The following EWSR1 variants were observed in gnomAD, a reference collection of about 807,000 sequenced individuals.
The protein encoded by EWSR1 is RNA-binding protein EWS.
A neutral mutation model predicts 92.1 loss-of-function variants in EWSR1; 14 were observed. The observed-to-expected ratio is 0.15, with a 90% confidence interval of 0.10 to 0.24. EWSR1 has a LOEUF of 0.24. EWSR1 is among the 10% of genes least tolerant of loss of function. The pLI, the probability that EWSR1 is intolerant of heterozygous loss-of-function variation, is 1.00. For missense variants in EWSR1, 637 were observed against 870.9 expected (o/e 0.73, Z 3.38); for synonymous variants, 303 against 292.9 (o/e 1.03, Z -0.35).
intron 13 of EWSR1, 87 bp downstream of exon 13, chr22:29,298,036 T>TATAAA: frequency 2.8e-6 from 4 of 1,420,608 alleles, no homozygotes; most frequent in Middle Eastern, 1.8e-4. Context: ...AGTGAAGAAA[T>TATAAA]ATAAAATTGT....
At chr22:29,271,596 T>TATA (rs2058687114) in intron 1 of EWSR1, among the ~76,000 whole-genome samples, 1 of 152,242 alleles carries the variant, frequency 6.6e-6, no homozygotes, top group South Asian at 2.1e-4. Context: ...CACCAGGGTT[T>TATA]ATAATATATC....
intron 4 of EWSR1, chr22:29,275,960 T>C (rs1408858000): frequency 8.7e-6 from 2 of 231,204 alleles, no homozygotes; most frequent in Admixed American, 1.1e-4. Flanking sequence ...ATTAAATCAT[T>C]TTGCTCTGTT....
chr22:29,269,330 G>A (rs891468605), intron 1 of EWSR1: 2 of 152,260 alleles, frequency 1.3e-5, no homozygotes, highest in Middle Eastern at 3.2e-3. Flanking sequence ...AAGGCCAGTA[G>A]AAGCAATCTT....
chr22:29,297,360 G>GT (rs1409150473), intron 12 of EWSR1, among the ~76,000 whole-genome samples: 2 of 152,170 alleles, frequency 1.3e-5, no homozygotes. Context: ...TCACCATGTT[G>GT]GTCAGGCTGT....
At chr22:29,298,432 G>A (rs535612239) in intron 13 of EWSR1, among the ~76,000 whole-genome samples, 3 of 151,972 alleles carry the variant, frequency 2.0e-5, no homozygotes, top group African/African-American at 4.8e-5. Context: ...TTTGAATCTG[G>A]GGGGGTGGAG....
At chr22:29,292,041 A>C in intron 9 of EWSR1, 96 bp from the exon 10 acceptor site, 3 of 1,042,148 alleles carry the variant, frequency 2.9e-6, no homozygotes, top group Non-Finnish European at 4.5e-6. Flanking sequence ...ATCCCCATCA[A>C]ATGGTGGTAT....
At chr22:29,294,859 G>C (rs948867860) in intron 11 of EWSR1, among the ~76,000 whole-genome samples, 2 of 151,508 alleles carry the variant, frequency 1.3e-5, no homozygotes, top group South Asian at 4.2e-4. Context: ...GTTGCAGTGA[G>C]CTGAGATGGC....
intron 11 of EWSR1, chr22:29,295,397 TCCCAA>T (rs2060776445): frequency 4.7e-6 from 1 of 210,958 alleles, no homozygotes; most frequent in African/African-American, 2.3e-5. Context: ...GGCAGGAGGA[TCCCAA>T]GGATTGCTTG....
chr22:29,292,974 T>G (rs138604656), intron 11 of EWSR1, among the ~76,000 whole-genome samples: 2 of 152,138 alleles, frequency 1.3e-5, no homozygotes, highest in African/African-American at 4.8e-5. Flanking sequence ...GGTCTCAAAC[T>G]CCTGACCTCA....
chr22:29,283,963 T>G (rs1225030907), intron 6 of EWSR1, among the ~76,000 whole-genome samples: 1 of 151,272 alleles, frequency 6.6e-6, no homozygotes, highest in African/African-American at 2.5e-5. Context: ...GCCTCCCTAG[T>G]AGCTGGGATT....
intron 6 of EWSR1, among the ~76,000 whole-genome samples, chr22:29,286,288 A>G (rs1266810561): frequency 2.0e-5 from 3 of 148,192 alleles, no homozygotes; most frequent in Non-Finnish European, 4.5e-5. Context: ...AAGTGCTGGG[A>G]TTACAGGCAT....
chr22:29,288,074 C>T (rs1473893672), intron 7 of EWSR1, among the ~76,000 whole-genome samples: 2 of 152,180 alleles, frequency 1.3e-5, no homozygotes, highest in Non-Finnish European at 2.9e-5. Flanking sequence ...TAATCCTCCT[C>T]ACAGAATATT....
chr22:29,268,629 C>A (rs1231217018), intron 1 of EWSR1, among the ~76,000 whole-genome samples: 1 of 152,148 alleles, frequency 6.6e-6, no homozygotes, highest in Non-Finnish European at 1.5e-5. Context: ...GGTCCTCGCG[C>A]CCTGAGCTCC....
chr22:29,271,237 T>C (rs1428327099), intron 1 of EWSR1, among the ~76,000 whole-genome samples: 1 of 152,150 alleles, frequency 6.6e-6, no homozygotes, highest in Non-Finnish European at 1.5e-5. Context: ...GAAGAAAGAA[T>C]TGGGCAGAAT....
At chr22:29,293,139 G>C (rs2147597747) in intron 11 of EWSR1, among the ~76,000 whole-genome samples, 1 of 152,210 alleles carries the variant, frequency 6.6e-6, no homozygotes, top group South Asian at 2.1e-4. Flanking sequence ...TCTTGAGGTA[G>C]CTGGACTTAT....
chr22:29,273,945 G>A (rs1165085094), intron 4 of EWSR1, 81 bp downstream of exon 4: 4 of 1,558,602 alleles, frequency 2.6e-6, no homozygotes, highest in Admixed American at 1.9e-5. Flanking sequence ...GCTTTCGGAT[G>A]TATATTCTGG....
rs187109125 is a variant in EWSR1 at position 29,272,048 on chromosome 22, T to C, written c.14-168T>C. ...TGTTGAGTTTAACTGGTTTAGACTT[T>C]TTTTTCTGTTAGATGTTGAGAGGTA... On this transcript the variant is annotated intron_variant, in intron 1 of 16. Coordinates refer to ENST00000397938, the MANE Select transcript of EWSR1 (RefSeq NM_005243.4). Among the ~76,000 whole-genome samples the C allele has an allele frequency of 9.2e-5, 14 of 152,308 alleles. No individual in the cohort carries two copies. In the East Asian group the frequency reaches 2.7e-3, roughly 29 times the overall value.
chr22:29,269,220 T>C (rs1325869902), intron 1 of EWSR1: 1 of 152,200 alleles, frequency 6.6e-6, no homozygotes, highest in Non-Finnish European at 1.5e-5. Context: ...GGCCGAGCCT[T>C]CATTTGAATT....
chr22:29,276,544 T>G (rs928682126), intron 4 of EWSR1: 1 of 225,468 alleles, frequency 4.4e-6, no homozygotes, highest in Non-Finnish European at 8.8e-6. Context: ...TGAGGACACT[T>G]TAAGGCCCTA....
Sources: allele counts gnomAD v4.1 joint callset (sites outside exome capture counted in the v4.1 genomes callset), GRCh38; gene constraint gnomAD v4.1.1; transcripts MANE v1.5; gene names NCBI Gene and HGNC (gene_info 2026-07-23, HGNC 2026-07-21).